Variants in MBNL1 observed in about 807,000 individuals in gnomAD.
MBNL1 encodes muscleblind like splicing regulator 1.
A neutral mutation model predicts 42.2 loss-of-function variants in MBNL1; 8 were observed. The observed-to-expected ratio is 0.19, with a 90% confidence interval of 0.11 to 0.34. The LOEUF (loss-of-function observed/expected upper bound fraction) is 0.34, where lower values mean the gene tolerates loss of function less well. Among genes scored for constraint, MBNL1 ranks in the 10% least tolerant of loss-of-function variants. MBNL1 has a pLI of 1.00. For synonymous variants in MBNL1, 169 were observed against 173.9 expected (o/e 0.97, Z 0.22); for missense variants, 309 against 495.3 (o/e 0.62, Z 3.57).
At chr3:152,407,383 A>G (rs2098459428) in intron 2 of MBNL1, among the ~76,000 whole-genome samples, 2 of 151,878 alleles carry the variant, frequency 1.3e-5, no homozygotes, top group African/African-American at 4.8e-5. Flanking sequence ...TGCTATATCT[A>G]CCTTAATTTA....
intron 2 of MBNL1, among the ~76,000 whole-genome samples, chr3:152,399,001 A>C (rs1275316908): frequency 2.0e-5 from 3 of 152,326 alleles, no homozygotes; most frequent in African/African-American, 7.2e-5. Flanking sequence ...CCTTGTCTTT[A>C]AAATTACCAG....
At chr3:152,261,148 C>T (rs2036195230) in intron 2 of MBNL1, among the ~76,000 whole-genome samples, 1 of 152,102 alleles carries the variant, frequency 6.6e-6, no homozygotes, top group African/African-American at 2.4e-5. Context: ...ATCTAAGGGG[C>T]TTAAAAAAGA....
At chr3:152,387,280 A>G (rs1275806382) in intron 2 of MBNL1, among the ~76,000 whole-genome samples, 7 of 146,762 alleles carry the variant, frequency 4.8e-5, no homozygotes, top group African/African-American at 1.5e-4. Flanking sequence ...TTTTTATATC[A>G]CTGCGGTAGC....
chr3:152,450,626 G>A (rs1255885722), intron 6 of MBNL1, among the ~76,000 whole-genome samples: 1 of 152,194 alleles, frequency 6.6e-6, no homozygotes, highest in African/African-American at 2.4e-5. Context: ...CTGCCTGGCA[G>A]GTTGTACTTG....
At chr3:152,390,613 G>GCATACACACACA (rs2097671995) in intron 2 of MBNL1, among the ~76,000 whole-genome samples, 1 of 147,156 alleles carries the variant, frequency 6.8e-6, no homozygotes, top group Admixed American at 6.8e-5. Flanking sequence ...GTATTGTTAT[G>GCATACACACACA]CACACACACA....
At chr3:152,396,213 T>G in intron 2 of MBNL1, 1 of 355,228 alleles carries the variant, frequency 2.8e-6, no homozygotes, top group South Asian at 2.2e-5. Context: ...CTCCCACTGA[T>G]TCTACATTAT....
intron 2 of MBNL1, among the ~76,000 whole-genome samples, chr3:152,253,045 C>T (rs543307580): frequency 6.6e-6 from 1 of 152,206 alleles, no homozygotes; most frequent in African/African-American, 2.4e-5. Context: ...TCCAGACATC[C>T]ACCCTTATAA....
intron 4 of MBNL1, among the ~76,000 whole-genome samples, chr3:152,442,849 G>A (rs17371330): frequency 2.6e-5 from 4 of 152,062 alleles, no homozygotes; most frequent in Non-Finnish European, 5.9e-5. Flanking sequence ...ACTCTCACCA[G>A]TACAAGTTTT....
At chr3:152,266,330 A>C (rs989844677), upstream of MBNL1, 1 of 145,958 alleles carries the variant, frequency 6.9e-6, no homozygotes, top group South Asian at 2.3e-4. Context: ...TGGAGTAAAA[A>C]ACATGTCTCA....
At chr3:152,449,183 A>G (rs958875641) in intron 6 of MBNL1, 1 of 152,232 alleles carries the variant, frequency 6.6e-6, no homozygotes, top group African/African-American at 2.4e-5. Flanking sequence ...GATTATATGT[A>G]ACTATCATAA....
intron 2 of MBNL1, among the ~76,000 whole-genome samples, chr3:152,244,991 T>C (rs924129191): frequency 6.6e-5 from 10 of 152,240 alleles, no homozygotes; most frequent in Non-Finnish European, 1.2e-4. Flanking sequence ...AATTAATTTG[T>C]AGTGTAGACA....
intron 1 of MBNL1, among the ~76,000 whole-genome samples, chr3:152,271,732 G>A (rs191114393): frequency 6.6e-6 from 1 of 152,222 alleles, no homozygotes; most frequent in East Asian, 1.9e-4. Context: ...TCAACCATAT[G>A]GATCATAGAG....
At chr3:152,272,810 A>G (rs1423118899) in intron 1 of MBNL1, among the ~76,000 whole-genome samples, 2 of 152,234 alleles carry the variant, frequency 1.3e-5, no homozygotes, top group African/African-American at 4.8e-5. Context: ...TAAACAAAGC[A>G]CAATGGCATA....
chr3:152,433,749 CAAAAA>C (rs35614565), intron 4 of MBNL1, among the ~76,000 whole-genome samples: 1 of 91,430 alleles, frequency 1.1e-5, no homozygotes, highest in African/African-American at 3.6e-5. Context: ...GACTCCGTCT[CAAAAA>C]AAAAAAAAAA....
intron 2 of MBNL1, among the ~76,000 whole-genome samples, chr3:152,374,443 A>G (rs1445877189): frequency 1.3e-5 from 2 of 152,188 alleles, no homozygotes; most frequent in African/African-American, 4.8e-5. Flanking sequence ...CCAGGAGCAC[A>G]GCAAGTAGTC....
chr3:152,423,846 A>G (rs1580169536), intron 3 of MBNL1, among the ~76,000 whole-genome samples: 1 of 152,204 alleles, frequency 6.6e-6, no homozygotes, highest in Non-Finnish European at 1.5e-5. Flanking sequence ...TGATTATCTC[A>G]ATAGATGCAG....
intron 3 of MBNL1, among the ~76,000 whole-genome samples, chr3:152,425,678 G>A (rs774305121): frequency 6.6e-5 from 10 of 152,044 alleles, no homozygotes; most frequent in African/African-American, 1.2e-4. Flanking sequence ...AGTTAGAATG[G>A]CAATCATTAG....
chr3:152,366,619 TAATACTTTGATAG>T (rs1247676400), intron 2 of MBNL1, among the ~76,000 whole-genome samples: 1 of 152,186 alleles, frequency 6.6e-6, no homozygotes, highest in Admixed American at 6.6e-5. Flanking sequence ...TTTGGAAATA[TAATACTTTGATAG>T]GATACTTTGG....
In MBNL1 at chr3:152,337,538, A is replaced by G. The variant is rs150692513; in HGVS notation, c.174+37171A>G. Among the ~76,000 whole-genome samples the G allele has an allele frequency of 2.0e-4, 31 of 152,016 alleles. No homozygotes were observed. The East Asian group carries it at 5.6e-3, about 28-fold the overall frequency. ...GAGGCTGAGCCAGGATAATTGCTCA[A>G]ACCCGGGAGGTGGAGGTTGCAGTGA... On this transcript the variant is annotated intron_variant, in intron 2 of 9. Coordinates refer to ENST00000324210, the MANE Select transcript of MBNL1 (RefSeq NM_021038.5).
Sources: gnomAD v4.1 joint callset for allele counts (sites outside exome capture counted in the v4.1 genomes callset) on GRCh38, gnomAD v4.1.1 for gene constraint, MANE v1.5 for transcripts, NCBI Gene and HGNC (gene_info 2026-07-23, HGNC 2026-07-21) for gene names.